Variants in DRC8 observed in about 807,000 individuals in gnomAD.
DRC8 encodes dynein regulatory complex subunit 8.
chr1:245,102,330 C>CTTTTA, the DRC8 span, among the ~76,000 whole-genome samples: 1 of 147,396 alleles, frequency 6.8e-6, no homozygotes, highest in Non-Finnish European at 1.5e-5. Flanking sequence ...TCATTAGGAA[C>CTTTTA]TTTATTTATT....
chr1:245,085,141 C>G, the DRC8 span, among the ~76,000 whole-genome samples: 53,470 of 152,070 alleles, frequency 0.35, 9,761 homozygotes, highest in Middle Eastern at 0.43. Context: ...TACTTCCTCT[C>G]TCAAGGATAT....
chr1:245,107,649 A>G, the DRC8 span, among the ~76,000 whole-genome samples: 1 of 152,166 alleles, frequency 6.6e-6, no homozygotes, highest in Non-Finnish European at 1.5e-5. Flanking sequence ...TGCATTTGGC[A>G]GGGGCTCCTC....
chr1:245,050,184 TC>T, the DRC8 span, among the ~76,000 whole-genome samples: 1 of 152,218 alleles, frequency 6.6e-6, no homozygotes, highest in Non-Finnish European at 1.5e-5. Flanking sequence ...TCTACTTTTC[TC>T]CCATTGGGAG....
chr1:245,026,743 A>C, the DRC8 span, among the ~76,000 whole-genome samples: 8 of 152,242 alleles, frequency 5.3e-5, no homozygotes, highest in Non-Finnish European at 1.2e-4. Context: ...GATAAATCTC[A>C]AAAAACAACG....
At chr1:245,028,049 A>T in the DRC8 span, among the ~76,000 whole-genome samples, 24 of 151,860 alleles carry the variant, frequency 1.6e-4, no homozygotes, top group East Asian at 4.1e-3. Context: ...ACGCTACCAC[A>T]CCCAGCTAAA....
At chr1:245,098,533 C>G in the DRC8 span, among the ~76,000 whole-genome samples, 1 of 152,184 alleles carries the variant, frequency 6.6e-6, no homozygotes, top group African/African-American at 2.4e-5. Flanking sequence ...TCCTGTGTCC[C>G]CAGGGCCTCC....
chr1:245,041,584 G>C, the DRC8 span, among the ~76,000 whole-genome samples: 6 of 152,076 alleles, frequency 3.9e-5, no homozygotes, highest in African/African-American at 1.2e-4. Flanking sequence ...GTTATGGGCT[G>C]AATTACGTCC....
At chr1:245,037,508 C>A in the DRC8 span, among the ~76,000 whole-genome samples, 1 of 152,112 alleles carries the variant, frequency 6.6e-6, no homozygotes, top group Non-Finnish European at 1.5e-5. Context: ...AGCCCAAAAT[C>A]TAGTTTCTTA....
chr1:245,114,850 C>A, the DRC8 span, among the ~76,000 whole-genome samples: 1 of 152,074 alleles, frequency 6.6e-6, no homozygotes, highest in Non-Finnish European at 1.5e-5. Context: ...CTCAGCCTCC[C>A]GAGTAGCTGG....
the DRC8 span, among the ~76,000 whole-genome samples, chr1:245,026,912 AAGG>A: frequency 6.6e-6 from 1 of 152,186 alleles, no homozygotes; most frequent in African/African-American, 2.4e-5. Context: ...CTGAAGATGA[AAGG>A]AGAAGGGATG....
the DRC8 span, among the ~76,000 whole-genome samples, chr1:245,019,573 A>G: frequency 1.3e-5 from 2 of 152,010 alleles, no homozygotes; most frequent in Admixed American, 6.6e-5. Context: ...GGGTGTTGCT[A>G]TGTTGCCCAG....
the DRC8 span, among the ~76,000 whole-genome samples, chr1:245,028,175 C>T: frequency 1.6e-3 from 239 of 152,342 alleles, 1 homozygote; most frequent in African/African-American, 5.2e-3. Context: ...AGGCGTCAGC[C>T]ACCATGCTGA....
the DRC8 span, among the ~76,000 whole-genome samples, chr1:245,099,001 G>GCAA: frequency 6.6e-6 from 1 of 152,160 alleles, no homozygotes; most frequent in Non-Finnish European, 1.5e-5. Context: ...GGTGTGAAAT[G>GCAA]CAACCATCAC....
chr1:245,103,148 C>G, the DRC8 span, among the ~76,000 whole-genome samples: 2 of 141,988 alleles, frequency 1.4e-5, no homozygotes, highest in Non-Finnish European at 3.0e-5. Context: ...AGTCCTCCAC[C>G]CTGTGAGGCT....
At chr1:245,034,618 A>AG in the DRC8 span, among the ~76,000 whole-genome samples, 5 of 149,668 alleles carry the variant, frequency 3.3e-5, no homozygotes, top group African/African-American at 1.2e-4. Context: ...AAAAAAAAAA[A>AG]AAAAAAAAAG....
the DRC8 span, among the ~76,000 whole-genome samples, chr1:245,080,152 T>G: frequency 1.3e-5 from 2 of 152,164 alleles, no homozygotes; most frequent in East Asian, 1.9e-4. Context: ...GTTTGTTTGT[T>G]TTTGCTCGAA....
the DRC8 span, among the ~76,000 whole-genome samples, chr1:245,094,203 G>A: frequency 2.1e-4 from 32 of 152,196 alleles, no homozygotes; most frequent in African/African-American, 2.9e-4. Context: ...TATCAAATCC[G>A]ATTAGCCTGT....
chr1:244,984,824 G>A, the DRC8 span, among the ~76,000 whole-genome samples: 1 of 140,390 alleles, frequency 7.1e-6, no homozygotes. Flanking sequence ...GACAGAGCAA[G>A]ACTCTGTCAA....
chr1:245,029,278 T>C, the DRC8 span, among the ~76,000 whole-genome samples: 3 of 152,330 alleles, frequency 2.0e-5, no homozygotes, highest in East Asian at 5.8e-4. Flanking sequence ...CAACTTTGGT[T>C]GACTGTGGAT....
Sources: allele counts gnomAD v4.1 joint callset (sites outside exome capture counted in the v4.1 genomes callset), GRCh38; gene constraint gnomAD v4.1.1; transcripts MANE v1.5; gene names NCBI Gene and HGNC (gene_info 2026-07-23, HGNC 2026-07-21).